TOR3A: variants seen among roughly 807,000 people sequenced by gnomAD.
The protein encoded by TOR3A is torsin-3A.
In TOR3A, 44 loss-of-function variants were observed where a neutral mutation model predicts 42.1. That is an observed-to-expected ratio of 1.04 (90% CI 0.82 to 1.34). The LOEUF (loss-of-function observed/expected upper bound fraction) is 1.34, where lower values mean the gene tolerates loss of function less well. Ranked by LOEUF, TOR3A falls within the 40% of genes most tolerant of loss-of-function variation. The pLI is 0.00. For missense variants in TOR3A, 521 were observed against 507.6 expected, an observed-to-expected ratio of 1.03 and a Z score of -0.25; for synonymous variants, 227 against 213.2, an observed-to-expected ratio of 1.06 and a Z score of -0.57.
chr1:179,094,511 C>T lies in TOR3A; in HGVS notation c.943+294C>T, dbSNP rs1439708401. Among the ~76,000 whole-genome samples the T allele has an allele frequency of 3.9e-5, 6 of 152,188 alleles. No individual in the cohort carries two copies. In the East Asian group the frequency reaches 1.2e-3, roughly 29 times the overall value. Reference sequence around the variant, plus strand: ...TGCAAGACTTTACCTAAAGGAGACACAGCTGTAGAGTTCTTGACATACGCT... The same window carrying T: ...TGCAAGACTTTACCTAAAGGAGACATAGCTGTAGAGTTCTTGACATACGCT... On this transcript the variant is annotated intron_variant, in intron 5 of 5. Transcript: ENST00000367627.
At chr1:179,094,301 C>A in intron 5 of TOR3A, 84 bp downstream of exon 5, 1 of 1,507,532 alleles carries the variant, frequency 6.6e-7, no homozygotes, top group East Asian at 2.3e-5. Context: ...GTTTATGAAG[C>A]AGACAGGGTA....
In TOR3A at chr1:179,088,802, G is replaced by A. The variant is rs187326560; in HGVS notation, c.818+713G>A. On this transcript the variant is annotated intron_variant, in intron 4 of 5. Coordinates refer to ENST00000367627, the MANE Select transcript of TOR3A (RefSeq NM_022371.4). ...ATAACTTGTCCAACCTCATCTTTTT[G>A]CGGAGGCTCCAACTGGGGGAGTCCT... Among the ~76,000 whole-genome samples the A allele has an allele frequency of 9.7e-4, 148 of 152,278 alleles. 1 individual carries two copies. The highest frequency in any genetic ancestry group is 3.5e-3 in the African/African-American group (144 of 41,566).
Position 179,095,689 on chromosome 1 carries a change from G to A in TOR3A, c.*471G>A. ...GTAGGGTCCTTGGGTTACAGAGCCGGGGAGAACGAAGTTCTGTGACCCAGG... is the reference window on the plus strand; with the variant it reads ...GTAGGGTCCTTGGGTTACAGAGCCGAGGAGAACGAAGTTCTGTGACCCAGG... On this transcript the variant is annotated 3_prime_UTR_variant, in exon 6 of 6. Coordinates refer to ENST00000367627, the MANE Select transcript of TOR3A (RefSeq NM_022371.4). 2.0e-6 allele frequency: 2 copies of A among 996,936 alleles called. No homozygotes were observed. The highest frequency in any genetic ancestry group is 2.4e-6 in the Non-Finnish European group (2 of 836,752). 61.8% of individuals were successfully genotyped at this position (996,936 alleles called of 1,614,324 possible). A position where few individuals can be genotyped will look rare whatever the true frequency, so the allele number is the denominator to read the frequency against.
chr1:179,092,566 A>G (rs1174051021), intron 4 of TOR3A, among the ~76,000 whole-genome samples: 2 of 152,122 alleles, frequency 1.3e-5, no homozygotes, highest in Non-Finnish European at 2.9e-5. Context: ...CTCTACAAAA[A>G]AATTTTAAAA....
intron 4 of TOR3A, among the ~76,000 whole-genome samples, chr1:179,093,129 G>C (rs1416234887): frequency 2.0e-5 from 3 of 152,160 alleles, no homozygotes. Context: ...GCAGTGAGGT[G>C]GGGGAGAAGT....
intron 3 of TOR3A, among the ~76,000 whole-genome samples, chr1:179,086,621 G>A (rs1334577805): frequency 1.3e-5 from 2 of 149,056 alleles, no homozygotes; most frequent in East Asian, 2.0e-4. Flanking sequence ...AGCCGAGATC[G>A]TGCCGCTGCA....
At position 179,087,897 on chromosome 1, in the gene TOR3A, T is replaced by C; in HGVS notation, c.640-14T>C. The C allele has an allele frequency of 6.4e-7, 1 of 1,559,954 alleles. No individual in the cohort carries two copies. Among genetic ancestry groups the C allele is most frequent in the South Asian group, 1.2e-5 (1 of 82,078 alleles). ...AGTCACCACTTCCCCAGCTGCTCCCTATATCCCGTGCAGGAGCAGCTGATG... is the reference window on the plus strand; with the variant it reads ...AGTCACCACTTCCCCAGCTGCTCCCCATATCCCGTGCAGGAGCAGCTGATG... On this transcript the variant is annotated splice_polypyrimidine_tract_variant and intron_variant, in intron 3 of 5. Coordinates refer to ENST00000367627, the MANE Select transcript of TOR3A (RefSeq NM_022371.4).
chr1:179,094,604 TGTG>T (rs1243260127), intron 5 of TOR3A, among the ~76,000 whole-genome samples: 1 of 152,000 alleles, frequency 6.6e-6, no homozygotes. Flanking sequence ...CGGGGCCAGG[TGTG>T]GTGGCTCACA....
At chr1:179,094,264 ATAAT>A (rs1221885215) in intron 5 of TOR3A, 47 bp downstream of exon 5, 6 of 1,582,982 alleles carry the variant, frequency 3.8e-6, no homozygotes, top group African/African-American at 1.4e-5. Flanking sequence ...ACAGCTGGTG[ATAAT>A]TAATGTGTTT....
At chr1:179,094,469 G>C (rs1315127863) in intron 5 of TOR3A, among the ~76,000 whole-genome samples, 1 of 152,174 alleles carries the variant, frequency 6.6e-6, no homozygotes, top group East Asian at 1.9e-4. Context: ...TCTGAAGCCT[G>C]AGACTCTGAG....
At chr1:179,091,790 G>A (rs45628232) in intron 4 of TOR3A, 16,068 of 152,666 alleles carry the variant, frequency 0.11, 1,075 homozygotes, top group East Asian at 0.25. Context: ...AAACAGTGCT[G>A]CCTGCCTCCT....
intron 3 of TOR3A, 98 bp downstream of exon 3, chr1:179,085,991 G>T: frequency 1.4e-6 from 2 of 1,473,912 alleles, no homozygotes; most frequent in South Asian, 2.6e-5. Flanking sequence ...AGAAGCCTGG[G>T]GAGGTGGGGA....
chr1:179,088,197 ACAG>A, intron 4 of TOR3A, 108 bp downstream of exon 4: 3 of 1,215,700 alleles, frequency 2.5e-6, no homozygotes, highest in Non-Finnish European at 3.4e-6. Flanking sequence ...TCAAGAAAAA[ACAG>A]CACAAACTCT....
At chr1:179,092,931 G>A (rs1652631119) in intron 4 of TOR3A, among the ~76,000 whole-genome samples, 1 of 152,180 alleles carries the variant, frequency 6.6e-6, no homozygotes, top group Admixed American at 6.5e-5. Flanking sequence ...CTGAGCCTGG[G>A]GAGGTGGAGG....
In TOR3A at chr1:179,094,192, C is replaced by G; in HGVS notation, c.918C>G (p.Leu306=). Residue 306 remains leucine, a synonymous_variant, in exon 5 of 6, where the codon CTC becomes CTG. Coordinates refer to ENST00000367627, the MANE Select transcript of TOR3A (RefSeq NM_022371.4). The part of the protein sequence containing the change: ...EITMEHLEPH[L]QAEIVETIDN... ...CGATGGAACACCTGGAGCCCCACCT[C>G]CAGGCGGAGATTGTGGAGACCATAG... The G allele has an allele frequency of 6.2e-7, 1 of 1,613,988 alleles. No individual in the cohort carries two copies. The highest frequency in any genetic ancestry group is 8.5e-7 in the Non-Finnish European group (1 of 1,179,940).
Position 179,095,485 on chromosome 1 carries a change from G to A in TOR3A, c.*267G>A. ...ACAGAGCCCATTCTTAAGATCACTT[G>A]GTGCCTTAAAGACACGCATTCCAAA... On this transcript the variant is annotated 3_prime_UTR_variant, in exon 6 of 6. Coordinates refer to ENST00000367627, the MANE Select transcript of TOR3A (RefSeq NM_022371.4). 7.5e-7 allele frequency: 1 copy of A among 1,330,230 alleles called. No individual in the cohort carries two copies. The highest frequency in any genetic ancestry group is 9.6e-7 in the Non-Finnish European group (1 of 1,040,134). 82.4% of individuals were successfully genotyped at this position (1,330,230 alleles called of 1,614,324 possible).
chr1:179,094,924 T>A, intron 5 of TOR3A, 44 bp from the exon 6 acceptor site: 1 of 1,595,986 alleles, frequency 6.3e-7, no homozygotes, highest in East Asian at 2.2e-5. Context: ...CCAGCTAGGT[T>A]CAGTCCTAGG....
At chr1:179,089,620 C>G (rs540469447) in intron 4 of TOR3A, among the ~76,000 whole-genome samples, 4 of 152,336 alleles carry the variant, frequency 2.6e-5, no homozygotes, top group African/African-American at 9.6e-5. Context: ...CCTCCTGTTA[C>G]AGAGAGTCAG....
chr1:179,082,528 C>T, intron 1 of TOR3A, 141 bp downstream of exon 1: 2 of 1,289,554 alleles, frequency 1.6e-6, no homozygotes, highest in Non-Finnish European at 2.1e-6. Flanking sequence ...CGGCTGTGGG[C>T]GGGGGCAGCC....
Sources: gnomAD v4.1 joint callset for allele counts (sites outside exome capture counted in the v4.1 genomes callset) on GRCh38, gnomAD v4.1.1 for gene constraint, MANE v1.5 for transcripts, NCBI Gene and HGNC (gene_info 2026-07-23, HGNC 2026-07-21) for gene names.